The following MAGEC3 variants were observed in gnomAD, a reference collection of about 807,000 sequenced individuals.
MAGEC3 encodes the protein MAGE family member C3, also known as melanoma-associated antigen C3.
Under a neutral mutation model 35.3 loss-of-function variants are expected in MAGEC3, and 34 were observed. The observed-to-expected ratio is 0.96, with a 90% CI of 0.73 to 1.28. MAGEC3 has a LOEUF of 1.28. Among genes scored for constraint, MAGEC3 ranks in the 50% most tolerant of loss-of-function variants. The pLI, the probability that MAGEC3 is intolerant of heterozygous loss-of-function variation, is 0.00. For synonymous variants in MAGEC3, 202 were observed against 185.6 expected (o/e 1.09, Z -0.72); for missense variants, 561 against 483.6 (o/e 1.16, Z -1.50).
intron 6 of MAGEC3, among the ~76,000 whole-genome samples, 180 bp downstream of exon 6, chrX:141,895,739 G>GGGGA (rs1460674340): frequency 9.4e-6 from 1 of 105,899 alleles, no homozygotes; most frequent in African/African-American, 3.5e-5. Flanking sequence ...TGGAGGGGAG[G>GGGGA]GGGAGGGGTG....
intron 1 of MAGEC3, among the ~76,000 whole-genome samples, chrX:141,857,684 C>T (rs2017789682): frequency 9.0e-6 from 1 of 110,938 alleles, no homozygotes; most frequent in Non-Finnish European, 1.9e-5. Flanking sequence ...GACTCCACCC[C>T]ACTTTACTCA....
intron 1 of MAGEC3, among the ~76,000 whole-genome samples, chrX:141,840,726 GTCC>G (rs965047888): frequency 4.6e-5 from 5 of 109,640 alleles, no homozygotes; most frequent in African/African-American, 1.7e-4. Flanking sequence ...ATTAGCATGA[GTCC>G]TCCTGCAAAA....
chrX:141,867,949 A>C (rs772264536), intron 2 of MAGEC3, among the ~76,000 whole-genome samples: 6 of 111,142 alleles, frequency 5.4e-5, no homozygotes, highest in African/African-American at 2.0e-4. Context: ...GGTGAAACCA[A>C]ATCTCTACTA....
intron 4 of MAGEC3, among the ~76,000 whole-genome samples, chrX:141,889,149 G>C (rs143640642): frequency 0.011 from 1,203 of 112,239 alleles, 9 homozygotes; most frequent in Non-Finnish European, 0.016. Context: ...CAGTTGCATT[G>C]ATAGAACAGT....
chrX:141,839,281 C>T (rs1273029774), intron 1 of MAGEC3: 7 of 330,117 alleles, frequency 2.1e-5, no homozygotes, highest in Non-Finnish European at 2.8e-5. Context: ...GTGTGATTAT[C>T]GACTCACCGT....
intron 2 of MAGEC3, among the ~76,000 whole-genome samples, chrX:141,870,588 A>G (rs2017881698): frequency 8.9e-6 from 1 of 112,032 alleles, no homozygotes; most frequent in African/African-American, 3.2e-5. Context: ...TATTCTTAAG[A>G]AAAATGTGTA....
At chrX:141,838,599 C>T in intron 1 of MAGEC3, 161 bp downstream of exon 1, 1 of 726,963 alleles carries the variant, frequency 1.4e-6, no homozygotes, top group Non-Finnish European at 1.6e-6. Context: ...TCATGTCTTT[C>T]CCTTGGTTGC....
chrX:141,887,089 C>A (rs1214219819), intron 4 of MAGEC3, among the ~76,000 whole-genome samples: 1 of 112,294 alleles, frequency 8.9e-6, no homozygotes, highest in African/African-American at 3.2e-5. Context: ...ATTGTTTGAG[C>A]AAATTAACAC....
At position 141,897,255 on chromosome X, in the gene MAGEC3, G is replaced by A. The variant is rs774318413; in HGVS notation, c.1497G>A (p.Gly499=). 4.1e-6 allele frequency: 5 copies of A among 1,210,277 alleles called. No homozygotes were observed. The African/African-American group carries it at 8.7e-5, about 21-fold the overall frequency. ...AGGACTATTTTCCCATGATCTTCGG[G>A]AAAGCCCATGAGTTCATAGAGCTAA... ...KYKDYFPMIF[G]KAHEFIELIF... is the part of the protein sequence containing the mutation. The change falls in exon 7 of 8, where the codon GGG becomes GGA. Residue 499 remains glycine, a synonymous_variant. Transcript: ENST00000298296.
chrX:141,886,396 A>G (rs924762599), intron 4 of MAGEC3, among the ~76,000 whole-genome samples: 3 of 111,051 alleles, frequency 2.7e-5, no homozygotes, highest in African/African-American at 9.8e-5. Context: ...CCACTACACT[A>G]TCAACAATTT....
At chrX:141,853,803 A>T (rs1259071964) in intron 1 of MAGEC3, among the ~76,000 whole-genome samples, 2 of 111,584 alleles carry the variant, frequency 1.8e-5, no homozygotes, top group African/African-American at 6.5e-5. Context: ...GTTATGATTA[A>T]TTGAACCCCC....
rs768836302 is a variant in MAGEC3 at position 141,861,884 on chromosome X, A to G, written c.124-3587A>G. ...GAACATTGGTCCAGGCAAAGATTGT[A>G]TGGCTAAGATTTCAAAAGCAAATGC... On this transcript the variant is annotated intron_variant, in intron 1 of 7. Transcript: ENST00000298296. 4.5e-5 allele frequency among the ~76,000 whole-genome samples: 5 copies of G among 112,214 alleles called. No individual in the cohort carries two copies. In the East Asian group the frequency reaches 1.1e-3, roughly 25 times the overall value.
chrX:141,865,630 G>A (rs1168152126), intron 2 of MAGEC3, 25 bp downstream of exon 2: 24 of 1,185,456 alleles, frequency 2.0e-5, no homozygotes, highest in Non-Finnish European at 2.7e-5. Flanking sequence ...GAAAGACTGA[G>A]GGGACCTCCT....
At chrX:141,879,947 G>A (rs2017949865) in intron 3 of MAGEC3, among the ~76,000 whole-genome samples, 1 of 111,320 alleles carries the variant, frequency 9.0e-6, no homozygotes, top group Non-Finnish European at 1.9e-5. Flanking sequence ...CTTTGAGAAG[G>A]ACAAGGGGAA....
chrX:141,853,613 A>G (rs2017763904), intron 1 of MAGEC3, among the ~76,000 whole-genome samples: 1 of 111,677 alleles, frequency 9.0e-6, no homozygotes, highest in Non-Finnish European at 1.9e-5. Context: ...TTTTTATAAG[A>G]CAGATTTCTG....
At chrX:141,893,323 C>A (rs1223870759) in intron 4 of MAGEC3, among the ~76,000 whole-genome samples, 3 of 111,130 alleles carry the variant, frequency 2.7e-5, no homozygotes, top group Non-Finnish European at 5.7e-5. Context: ...TGTATGATTC[C>A]AATCATACAA....
chrX:141,895,661 A>G, intron 6 of MAGEC3, 102 bp downstream of exon 6: 1 of 726,103 alleles, frequency 1.4e-6, no homozygotes, highest in Non-Finnish European at 1.8e-6. Context: ...TGCTCCTCAT[A>G]TCAGCCCTCG....
At chrX:141,873,837 G>A (rs1029488810) in intron 2 of MAGEC3, among the ~76,000 whole-genome samples, 9 of 111,802 alleles carry the variant, frequency 8.0e-5, no homozygotes, top group African/African-American at 2.9e-4. Flanking sequence ...ATGTTGTTTT[G>A]TGGATACCAA....
chrX:141,892,685 A>G (rs1180841477), intron 4 of MAGEC3, among the ~76,000 whole-genome samples: 2 of 111,471 alleles, frequency 1.8e-5, no homozygotes, highest in East Asian at 5.6e-4. Flanking sequence ...TTATGGGGGC[A>G]AACCCTAGGT....
Sources: gnomAD v4.1 joint callset for allele counts (sites outside exome capture counted in the v4.1 genomes callset) on GRCh38, gnomAD v4.1.1 for gene constraint, MANE v1.5 for transcripts, NCBI Gene and HGNC (gene_info 2026-07-23, HGNC 2026-07-21) for gene names.